PNPLA4: variants seen among roughly 807,000 people sequenced by gnomAD.
PNPLA4 encodes the protein patatin-like phospholipase domain-containing protein 4.
Under a neutral mutation model 18.3 loss-of-function variants are expected in PNPLA4, and 15 were observed. The observed-to-expected ratio is 0.82, with a 90% CI of 0.55 to 1.26. The LOEUF (loss-of-function observed/expected upper bound fraction) is 1.26. Among genes scored for constraint, PNPLA4 ranks in the 50% most tolerant of loss-of-function variants. The pLI is 0.00. For synonymous variants in PNPLA4, 88 were observed against 85.6 expected (o/e 1.03, Z -0.16); for missense variants, 229 against 196.8 (o/e 1.16, Z -0.98).
Position 7,912,103 on chromosome X carries a change from TA to T in PNPLA4, c.412-11del. The T allele has an allele frequency of 8.5e-7, 1 of 1,174,826 alleles. No homozygotes were observed. Among genetic ancestry groups the T allele is most frequent in the Non-Finnish European group, 1.2e-6 (1 of 863,137 alleles). ...TGCTGGCTAGGAGGACCTAGATGGA[TA>T]AAATAAAGAAGCAGCTCATGATTAC... On this transcript the variant is annotated splice_polypyrimidine_tract_variant and intron_variant, in intron 4 of 6. Transcript: ENST00000381042.
chrX:7,907,210 G>C (rs1923732561), intron 5 of PNPLA4, among the ~76,000 whole-genome samples: 1 of 110,776 alleles, frequency 9.0e-6, no homozygotes, highest in Non-Finnish European at 1.9e-5. Context: ...GTAGAAACAG[G>C]GTTTCACCAC....
intron 4 of PNPLA4, 92 bp downstream of exon 4, chrX:7,921,621 A>G: frequency 5.1e-6 from 4 of 787,928 alleles, no homozygotes; most frequent in South Asian, 2.3e-5. Context: ...GAGACACAGG[A>G]TCTAAAGAAC....
intron 5 of PNPLA4, among the ~76,000 whole-genome samples, chrX:7,906,234 A>C (rs1923700878): frequency 8.9e-6 from 1 of 112,297 alleles, no homozygotes; most frequent in Non-Finnish European, 1.9e-5. Flanking sequence ...GAAAGAGACA[A>C]AGAGATATCC....
chrX:7,914,182 C>T, intron 4 of PNPLA4, among the ~76,000 whole-genome samples: 1 of 112,255 alleles, frequency 8.9e-6, no homozygotes, highest in Middle Eastern at 4.6e-3. Context: ...TGTGGACATG[C>T]CCGCACTGTG....
intron 5 of PNPLA4, among the ~76,000 whole-genome samples, chrX:7,903,065 T>C (rs1339667811): frequency 8.9e-6 from 1 of 111,843 alleles, no homozygotes; most frequent in Non-Finnish European, 1.9e-5. Flanking sequence ...CTGGTAACAG[T>C]TGAAAGTCCT....
chrX:7,905,710 A>G (rs1474666718), intron 5 of PNPLA4, among the ~76,000 whole-genome samples: 1 of 112,409 alleles, frequency 8.9e-6, no homozygotes, highest in East Asian at 2.8e-4. Context: ...TCATGCTTGT[A>G]TATTCAGTTC....
chrX:7,923,224 C>T lies in PNPLA4; in HGVS notation c.181-1126G>A, dbSNP rs755051314. The stretch of plus-strand genomic sequence containing the variant: ...AAGGACCTTGAGATGAGGAGATAAT[C>T]CTGGATGACCTGGGTAGGCCCAATA... On this transcript the variant is annotated intron_variant, in intron 2 of 6. Transcript: ENST00000381042. Among the ~76,000 whole-genome samples the T allele has an allele frequency of 3.6e-5, 4 of 111,796 alleles. No individual in the cohort carries two copies. The East Asian group carries it at 1.1e-3, about 32-fold the overall frequency.
intron 5 of PNPLA4, 46 bp from the exon 6 acceptor site, chrX:7,902,187 C>T (rs757565377): frequency 1.8e-6 from 2 of 1,126,889 alleles, no homozygotes; most frequent in Non-Finnish European, 2.4e-6. Flanking sequence ...ACAACACATC[C>T]TGCACAAAGA....
chrX:7,912,488 C>T (rs1330906293), intron 4 of PNPLA4, among the ~76,000 whole-genome samples: 5 of 111,851 alleles, frequency 4.5e-5, no homozygotes, highest in East Asian at 5.6e-4. Context: ...CAAAGCCCTC[C>T]GATTATGACA....
intron 2 of PNPLA4, among the ~76,000 whole-genome samples, chrX:7,923,423 C>T (rs1355918567): frequency 8.9e-6 from 1 of 112,146 alleles, no homozygotes; most frequent in African/African-American, 3.2e-5. Context: ...CCTGGAGCCT[C>T]TGGAGAGAGT....
At chrX:7,925,322 G>A (rs1403895005) in intron 2 of PNPLA4, among the ~76,000 whole-genome samples, 1 of 112,030 alleles carries the variant, frequency 8.9e-6, no homozygotes, top group Non-Finnish European at 1.9e-5. Context: ...CTCCAACTAC[G>A]GAATCCAGCT....
chrX:7,917,312 C>T (rs1326232229), intron 4 of PNPLA4, among the ~76,000 whole-genome samples: 1 of 111,729 alleles, frequency 9.0e-6, no homozygotes, highest in Non-Finnish European at 1.9e-5. Flanking sequence ...AAATCAGATG[C>T]CTAAAGGTAG....
chrX:7,902,116 T>C lies in PNPLA4; in HGVS notation c.503A>G (p.Asn168Ser), dbSNP rs776165408. 4 of 1,204,177 alleles carry C rather than the reference T, an allele frequency of 3.3e-6. No individual in the cohort carries two copies. The highest frequency in any genetic ancestry group is 4.5e-6 in the Non-Finnish European group (4 of 892,916). Residue 168 changes from asparagine (N) to serine (S), a missense_variant, in exon 6 of 7, where the codon AAC (asparagine) becomes AGC (serine). By Grantham distance (46) the Asn-to-Ser change is conservative (BLOSUM62 1). Transcript: ENST00000381042. ...GCCGACGGGCAGGATGGGAAGAGCG[T>C]TGGTGAGGCCTCCGTCCACCCACTT... ...GQKWVDGGLT[N>S]ALPILPVGRT...
At position 7,902,021 on chromosome X, in the gene PNPLA4, G is replaced by T. The variant is rs1208502583; in HGVS notation, c.598C>A (p.Leu200Met). 6 of 1,206,760 alleles carry T rather than the reference G, an allele frequency of 5.0e-6. No homozygotes were observed. In the African/African-American group the frequency reaches 7.0e-5, roughly 14 times the overall value. ...ISPQDKGQLDLYVNIAKQDIM... is the reference protein window; with the variant it reads ...ISPQDKGQLDMYVNIAKQDIM... Reference sequence around the variant, plus strand: ...TCCTGCTTGGCGATATTAACATACAGATCTAGCTGCCCTTTGTCCTGCGGG... The same window carrying T: ...TCCTGCTTGGCGATATTAACATACATATCTAGCTGCCCTTTGTCCTGCGGG... The change falls in exon 6 of 7, where the codon CTG (leucine) becomes ATG (methionine). Residue 200 changes from leucine (L) to methionine (M), a missense_variant. By Grantham distance (15) the Leu-to-Met change is conservative. Coordinates refer to ENST00000381042, the MANE Select transcript of PNPLA4 (RefSeq NM_004650.3).
At chrX:7,909,376 G>A (rs1012233778) in intron 5 of PNPLA4, among the ~76,000 whole-genome samples, 1 of 110,718 alleles carries the variant, frequency 9.0e-6, no homozygotes, top group African/African-American at 3.3e-5. Context: ...CGGCTAACAC[G>A]GTGAAACCCC....
chrX:7,902,107 G>A lies in PNPLA4; in HGVS notation c.512C>T (p.Pro171Leu). 4 of 1,208,002 alleles carry A rather than the reference G, an allele frequency of 3.3e-6. No homozygotes were observed. Among genetic ancestry groups the A allele is most frequent in the Non-Finnish European group, 4.5e-6 (4 of 893,805 alleles). The change falls in exon 6 of 7, where the codon CCC becomes CTC. Residue 171 changes from proline (P) to leucine (L), a missense_variant. By Grantham distance (98) the Pro-to-Leu change is moderately conservative. Transcript: ENST00000381042. ...WVDGGLTNALPILPVGRTVTI... is the reference protein window; with the variant it reads ...WVDGGLTNALLILPVGRTVTI... ...TACTGTCCGGCCGACGGGCAGGATG[G>A]GAAGAGCGTTGGTGAGGCCTCCGTC...
chrX:7,922,232 C>T (rs1414742731), intron 2 of PNPLA4, 134 bp from the exon 3 acceptor site: 1 of 496,610 alleles, frequency 2.0e-6, no homozygotes, highest in Non-Finnish European at 3.6e-6. Flanking sequence ...AAATTCCCCA[C>T]CTGGCCGGGG....
At chrX:7,911,156 C>A (rs1923862112) in intron 5 of PNPLA4, among the ~76,000 whole-genome samples, 1 of 111,564 alleles carries the variant, frequency 9.0e-6, no homozygotes, top group African/African-American at 3.3e-5. Context: ...AACAGATACT[C>A]TATTTGATTA....
intron 5 of PNPLA4, among the ~76,000 whole-genome samples, chrX:7,911,349 C>G (rs1374337689): frequency 8.9e-6 from 1 of 111,769 alleles, no homozygotes; most frequent in East Asian, 2.8e-4. Flanking sequence ...GAACCTGTGT[C>G]CATGCAATGG....
Sources: gnomAD v4.1 joint callset for allele counts (sites outside exome capture counted in the v4.1 genomes callset) on GRCh38, gnomAD v4.1.1 for gene constraint, MANE v1.5 for transcripts, NCBI Gene and HGNC (gene_info 2026-07-23, HGNC 2026-07-21) for gene names.